The following SLC22A16 variants were observed in gnomAD, a reference collection of about 807,000 sequenced individuals.
The protein encoded by SLC22A16 is solute carrier family 22 member 16, also known as WUGSC:RG331P03.1.
SLC22A16 carries 53 observed loss-of-function variants against 52.9 expected under a neutral mutation model. That is an observed-to-expected ratio of 1.00 (90% CI 0.80 to 1.26). The LOEUF is 1.26. SLC22A16 is among the 50% of genes most tolerant of loss of function. The pLI is 0.00. For missense variants in SLC22A16, 726 were observed against 704.0 expected, an observed-to-expected ratio of 1.03 and a Z score of -0.35; for synonymous variants, 291 against 268.8, an observed-to-expected ratio of 1.08 and a Z score of -0.81.
chr6:110,442,298 A>T lies in SLC22A16; in HGVS notation c.1129T>A (p.Ser377Thr). Residue 377 changes from serine (S) to threonine (T), a missense_variant, in exon 4 of 8, where the codon TCC (serine) becomes ACC (threonine). Transcript: ENST00000368919. ...FTGSLGFYSF[S>T]LNSVNLGGNE... is the part of the protein sequence containing the mutation. ...CCTCCTAAGTTAACAGAATTCAAGG[A>T]AAACGAGTAGAATCCCAAACTTCCA... The T allele has an allele frequency of 6.2e-7, 1 of 1,614,218 alleles. No homozygotes were observed. The highest frequency in any genetic ancestry group is 8.5e-7 in the Non-Finnish European group (1 of 1,180,026).
chr6:110,474,452 TCA>T (rs1776387945), intron 1 of SLC22A16, among the ~76,000 whole-genome samples: 1 of 152,222 alleles, frequency 6.6e-6, no homozygotes, highest in African/African-American at 2.4e-5. Context: ...TGTGTTGCAG[TCA>T]CACAGTCTTC....
At chr6:110,455,588 T>C (rs1582567996) in intron 2 of SLC22A16, 2 of 152,330 alleles carry the variant, frequency 1.3e-5, no homozygotes, top group Middle Eastern at 6.8e-3. Flanking sequence ...GTATGGTCCA[T>C]GTTCATACAG....
At chr6:110,469,087 A>C (rs1221637427) in intron 1 of SLC22A16, among the ~76,000 whole-genome samples, 1 of 152,174 alleles carries the variant, frequency 6.6e-6, no homozygotes, top group Non-Finnish European at 1.5e-5. Context: ...CTACAGTGCC[A>C]TCCAGTCTGC....
chr6:110,448,437 A>G (rs1304646777), intron 2 of SLC22A16, among the ~76,000 whole-genome samples: 3 of 152,114 alleles, frequency 2.0e-5, no homozygotes, highest in African/African-American at 4.8e-5. Flanking sequence ...TTTTCTTCCT[A>G]TGGGTTGTCT....
At chr6:110,428,972 T>C (rs1413829970) in intron 7 of SLC22A16, among the ~76,000 whole-genome samples, 1 of 152,142 alleles carries the variant, frequency 6.6e-6, no homozygotes, top group Non-Finnish European at 1.5e-5. Context: ...TAAATAAAAT[T>C]AGAGATCCCT....
Position 110,476,595 on chromosome 6 carries a change from G to T in SLC22A16, c.-21C>A. Reference sequence around the variant, plus strand: ...CCCATGGTGCGGCCGTGCACTGGGCGCCGAGTTAGCCGAGCTCCGGGGACT... The same window carrying T: ...CCCATGGTGCGGCCGTGCACTGGGCTCCGAGTTAGCCGAGCTCCGGGGACT... On this transcript the variant is annotated 5_prime_UTR_variant, in exon 1 of 8. Transcript: ENST00000368919. The T allele has an allele frequency of 6.6e-7, 1 of 1,521,376 alleles. No individual in the cohort carries two copies. The highest frequency in any genetic ancestry group is 8.8e-7 in the Non-Finnish European group (1 of 1,135,854). 94.2% of individuals were successfully genotyped at this position (1,521,376 alleles called of 1,614,324 possible). A position where few individuals can be genotyped will look rare whatever the true frequency, so the allele number is the denominator to read the frequency against.
intron 1 of SLC22A16, among the ~76,000 whole-genome samples, chr6:110,462,880 G>A (rs1375207626): frequency 6.6e-6 from 1 of 152,002 alleles, no homozygotes; most frequent in Non-Finnish European, 1.5e-5. Context: ...GGAGAGAAGT[G>A]TCAGATCGCC....
intron 2 of SLC22A16, among the ~76,000 whole-genome samples, chr6:110,449,294 G>A (rs571486442): frequency 1.3e-5 from 2 of 151,482 alleles, no homozygotes; most frequent in Admixed American, 6.6e-5. Flanking sequence ...CTGATGACCC[G>A]CCTGCCTCAA....
chr6:110,438,883 T>C (rs750026195), intron 4 of SLC22A16, 36 bp from the exon 5 acceptor site: 10 of 1,609,422 alleles, frequency 6.2e-6, no homozygotes, highest in Non-Finnish European at 8.5e-6. Context: ...TAAGTCTAGG[T>C]ACCCGACTGC....
chr6:110,462,445 C>A (rs138876955), intron 1 of SLC22A16, among the ~76,000 whole-genome samples: 450 of 152,048 alleles, frequency 3.0e-3, no homozygotes, highest in African/African-American at 0.011. Context: ...GAAAATCAAC[C>A]CCCAAAAACT....
chr6:110,438,392 CA>C (rs1204894266), intron 5 of SLC22A16, among the ~76,000 whole-genome samples: 2 of 152,038 alleles, frequency 1.3e-5, no homozygotes, highest in Admixed American at 1.3e-4. Context: ...TGGCAGTGAT[CA>C]GAGCTCACTG....
rs1212691490 is a variant in SLC22A16, at chr6:110,438,700, A to T, written c.1311+20T>A. 1.2e-6 allele frequency: 2 copies of T among 1,606,692 alleles called. No individual in the cohort carries two copies. The highest frequency in any genetic ancestry group is 1.7e-6 in the Non-Finnish European group (2 of 1,177,154). ...ACTGTCACAGTATAACTGTCTTATA[A>T]AAAACAGAAGATAACTCACCTGGGG... On this transcript the variant is annotated intron_variant, in intron 5 of 7. Transcript: ENST00000368919.
chr6:110,440,410 G>A (rs1459718894), intron 4 of SLC22A16: 4 of 152,468 alleles, frequency 2.6e-5, no homozygotes, highest in Non-Finnish European at 5.9e-5. Flanking sequence ...TGAGCAAGGA[G>A]AGAAGGCAGA....
intron 2 of SLC22A16, among the ~76,000 whole-genome samples, chr6:110,451,026 T>C (rs1434220852): frequency 6.6e-6 from 1 of 152,230 alleles, no homozygotes; most frequent in Admixed American, 6.5e-5. Flanking sequence ...TAAGTTTTGC[T>C]ATTATGATTT....
Position 110,456,711 on chromosome 6 carries a change from C to T in SLC22A16, c.360G>A (p.Lys120=). The change falls in exon 2 of 8, where the codon AAG becomes AAA. Residue 120 remains lysine (K), a synonymous_variant. Coordinates refer to ENST00000368919, the MANE Select transcript of SLC22A16 (RefSeq NM_033125.4). ...AGCCATCCACACAAGGAAACTCTTT[C>T]TTACTGCCAGTGTATTCATAGCCCA... The part of the protein sequence containing the change: ...SSLGYEYTGS[K]KEFPCVDGYI... The T allele has an allele frequency of 6.2e-7, 1 of 1,614,192 alleles. No individual in the cohort carries two copies. The highest frequency in any genetic ancestry group is 1.3e-5 in the African/African-American group (1 of 75,044).
rs145409623 is a variant in SLC22A16, at chr6:110,453,400, A to G, written c.533+3138T>C. On this transcript the variant is annotated intron_variant, in intron 2 of 7. Transcript: ENST00000368919. ...ATTTATGAGAATCCTCTCAGGCCCA[A>G]GATGAGGGTATACAAAGAATATTCA... Among the ~76,000 whole-genome samples, 803 of 152,330 alleles carry G rather than the reference A, an allele frequency of 5.3e-3. 1 individual carries two copies. The highest frequency in any genetic ancestry group is 0.02 in the Middle Eastern group (6 of 294).
chr6:110,447,358 A>G (rs1217644231), intron 2 of SLC22A16, among the ~76,000 whole-genome samples: 1 of 152,190 alleles, frequency 6.6e-6, no homozygotes, highest in Non-Finnish European at 1.5e-5. Context: ...TAAGGCTATG[A>G]CAGCTCTTGC....
chr6:110,451,625 T>C (rs1380835076), intron 2 of SLC22A16, among the ~76,000 whole-genome samples: 2 of 152,208 alleles, frequency 1.3e-5, no homozygotes, highest in Admixed American at 6.5e-5. Flanking sequence ...TTTTTCCCAT[T>C]GATGTAAGTA....
At chr6:110,454,585 TA>T (rs1775512786) in intron 2 of SLC22A16, among the ~76,000 whole-genome samples, 1 of 104,592 alleles carries the variant, frequency 9.6e-6, no homozygotes, top group African/African-American at 3.9e-5. Flanking sequence ...TATTTATATA[TA>T]ATATATATTT....
Sources: gnomAD v4.1 joint callset for allele counts (sites outside exome capture counted in the v4.1 genomes callset) on GRCh38, gnomAD v4.1.1 for gene constraint, MANE v1.5 for transcripts, NCBI Gene and HGNC (gene_info 2026-07-23, HGNC 2026-07-21) for gene names.